Variants in STPG2 observed in about 807,000 individuals in gnomAD.
The protein encoded by STPG2 is sperm-tail PG-rich repeat-containing protein 2.
STPG2 carries 56 observed loss-of-function variants against 54.2 expected under a neutral mutation model. That is an observed-to-expected ratio of 1.03 (90% confidence interval 0.83 to 1.29). STPG2 has a LOEUF of 1.29. Ranked by LOEUF, STPG2 falls within the 50% of genes most tolerant of loss-of-function variation. The probability of loss-of-function intolerance (pLI) is 0.00; values close to 1 mark genes in which losing one functional copy is unlikely to be tolerated. For missense variants in STPG2, 596 were observed against 544.9 expected, an observed-to-expected ratio of 1.09 and a Z score of -0.93; for synonymous variants, 200 against 181.8, an observed-to-expected ratio of 1.10 and a Z score of -0.81.
chr4:97,567,812 G>A (rs905811021), intron 10 of STPG2, among the ~76,000 whole-genome samples: 5 of 152,106 alleles, frequency 3.3e-5, no homozygotes, highest in Non-Finnish European at 4.4e-5. Context: ...TATAGCATAT[G>A]TACATTATAT....
chr4:98,015,146 GGC>G (rs1316756748), intron 5 of STPG2, among the ~76,000 whole-genome samples: 3 of 152,144 alleles, frequency 2.0e-5, no homozygotes, highest in African/African-American at 7.2e-5. Context: ...CATAGGCATT[GGC>G]AAAGACTTCA....
intron 4 of STPG2, among the ~76,000 whole-genome samples, chr4:97,544,942 A>T (rs1221866450): frequency 6.6e-6 from 1 of 152,108 alleles, no homozygotes; most frequent in Admixed American, 6.6e-5. Flanking sequence ...TGGTACTACG[A>T]ATGACATAAG....
intron 4 of STPG2, among the ~76,000 whole-genome samples, chr4:97,524,849 A>G (rs1284459017): frequency 6.6e-6 from 1 of 152,002 alleles, no homozygotes; most frequent in Non-Finnish European, 1.5e-5. Flanking sequence ...CTTCTTAAAT[A>G]GTGGCCTGTG....
At chr4:97,757,461 G>A (rs1725765787) in intron 9 of STPG2, among the ~76,000 whole-genome samples, 1 of 152,130 alleles carries the variant, frequency 6.6e-6, no homozygotes, top group Non-Finnish European at 1.5e-5. Context: ...TCTTAACTCA[G>A]GTTTCTGGTC....
chr4:97,815,785 G>T (rs1727889134), intron 9 of STPG2, among the ~76,000 whole-genome samples: 1 of 152,148 alleles, frequency 6.6e-6, no homozygotes, highest in African/African-American at 2.4e-5. Flanking sequence ...TATGGTTTAA[G>T]TAGATTCATA....
chr4:97,466,999 G>A (rs752095800), intron 4 of STPG2, among the ~76,000 whole-genome samples: 1 of 151,974 alleles, frequency 6.6e-6, no homozygotes, highest in Non-Finnish European at 1.5e-5. Context: ...AAAAAAAATA[G>A]TTAACATTTT....
chr4:97,535,311 G>C (rs1324838001), intron 4 of STPG2, among the ~76,000 whole-genome samples: 1 of 152,116 alleles, frequency 6.6e-6, no homozygotes, highest in Non-Finnish European at 1.5e-5. Context: ...TTTGTTGTTT[G>C]TGTATTAAAG....
chr4:97,588,894 T>C (rs1167438923), intron 10 of STPG2, among the ~76,000 whole-genome samples: 3 of 152,070 alleles, frequency 2.0e-5, no homozygotes, highest in African/African-American at 7.2e-5. Context: ...CTACTCTTCT[T>C]AGCATTTAAT....
chr4:97,562,767 C>T (rs1239226860), intron 10 of STPG2, among the ~76,000 whole-genome samples: 4 of 152,002 alleles, frequency 2.6e-5, no homozygotes, highest in Admixed American at 2.0e-4. Flanking sequence ...TATATTGAAC[C>T]AGCCTTGCAT....
chr4:97,773,994 G>GGGGTGTGTGT (rs71588915), intron 9 of STPG2, among the ~76,000 whole-genome samples: 3 of 147,252 alleles, frequency 2.0e-5, no homozygotes, highest in African/African-American at 5.0e-5. Flanking sequence ...TAAAATATAG[G>GGGGTGTGTGT]GTGTGTGTGT....
In STPG2 at chr4:97,744,181, C is replaced by A. The variant is rs557686568; in HGVS notation, c.1205-31367G>T. Among the ~76,000 whole-genome samples the A allele has an allele frequency of 9.3e-4, 141 of 151,456 alleles. 1 individual carries two copies. Among genetic ancestry groups the A allele is most frequent in the African/African-American group, 3.4e-3 (139 of 41,458 alleles). ...TATGAGAATAATGAAACAATGGTTT[C>A]CCAGATGACAATATTCTTTTCTTCT... On this transcript the variant is annotated intron_variant, in intron 9 of 10. Transcript: ENST00000295268.
intron 5 of STPG2, among the ~76,000 whole-genome samples, chr4:98,073,392 T>C (rs1738065498): frequency 6.6e-6 from 1 of 151,774 alleles, no homozygotes; most frequent in African/African-American, 2.4e-5. Context: ...GCAGTGTTCA[T>C]AACATTGATA....
intron 9 of STPG2, among the ~76,000 whole-genome samples, chr4:97,729,400 A>G (rs1467975890): frequency 6.6e-6 from 1 of 152,206 alleles, no homozygotes. Flanking sequence ...CATCAATCTA[A>G]TAACTCATGT....
chr4:97,751,929 T>C (rs1252103644), intron 9 of STPG2, among the ~76,000 whole-genome samples: 1 of 151,698 alleles, frequency 6.6e-6, no homozygotes, highest in Admixed American at 6.6e-5. Context: ...CTTCCCACAT[T>C]GGATCCCTAT....
intron 8 of STPG2, among the ~76,000 whole-genome samples, chr4:97,867,305 G>A (rs932580268): frequency 6.6e-6 from 1 of 151,534 alleles, no homozygotes. Flanking sequence ...ACTTATCTTT[G>A]TTGGAACTAG....
At chr4:98,114,170 A>G (rs1360305038) in intron 3 of STPG2, among the ~76,000 whole-genome samples, 1 of 152,108 alleles carries the variant, frequency 6.6e-6, no homozygotes, top group Non-Finnish European at 1.5e-5. Flanking sequence ...TAAGTGCTCC[A>G]GATCACCTTT....
At chr4:97,674,142 T>C (rs73834143) in intron 10 of STPG2, among the ~76,000 whole-genome samples, 2,699 of 152,274 alleles carry the variant, frequency 0.018, 76 homozygotes, top group African/African-American at 0.061. Flanking sequence ...CCTTCTTTTT[T>C]CCTCTTAACT....
At chr4:97,936,383 T>G (rs1732747595) in intron 8 of STPG2, among the ~76,000 whole-genome samples, 1 of 152,218 alleles carries the variant, frequency 6.6e-6, no homozygotes, top group Non-Finnish European at 1.5e-5. Flanking sequence ...ACATTTGAGG[T>G]TAACATTGTT....
rs1467194240 is a variant in STPG2, at chr4:97,742,551, G to GTA, written c.1205-29738_1205-29737insTA. On this transcript the variant is annotated intron_variant, in intron 9 of 10. Coordinates refer to ENST00000295268, the MANE Select transcript of STPG2 (RefSeq NM_174952.3). ...TGTGTGTGTGTGTGTGTGTGTGTGT[G>GTA]TGTGTGTGTGTGTGTCTATATATAT... is the stretch of plus-strand genomic sequence containing the variant. Among the ~76,000 whole-genome samples, 18 of 142,898 alleles carry GTA rather than the reference G, an allele frequency of 1.3e-4. No homozygotes were observed. The South Asian group carries it at 1.3e-3, about 11-fold the overall frequency. The allele number at this position is 142,898 out of a possible 152,430, so 93.7% of individuals were successfully genotyped here. A position where few individuals can be genotyped will look rare whatever the true frequency, so the allele number is the denominator to read the frequency against.
Sources: gnomAD v4.1 joint callset for allele counts (sites outside exome capture counted in the v4.1 genomes callset) on GRCh38, gnomAD v4.1.1 for gene constraint, MANE v1.5 for transcripts, NCBI Gene and HGNC (gene_info 2026-07-23, HGNC 2026-07-21) for gene names.